The following LACTBL1 variants were observed in gnomAD, a reference collection of about 807,000 sequenced individuals.
LACTBL1 encodes lactamase beta like 1.
A neutral mutation model predicts 39.6 loss-of-function variants in LACTBL1; 29 were observed. That is an observed-to-expected ratio of 0.73 (90% CI 0.55 to 1.00). LACTBL1 has a LOEUF of 1.00. LACTBL1 is among the 50% of genes least tolerant of loss of function. LACTBL1 has a pLI of 0.00. For missense variants in LACTBL1, 711 were observed against 748.5 expected (o/e 0.95, Z 0.59); for synonymous variants, 361 against 360.7 (o/e 1.00, Z -0.01).
At chr1:22,972,714 AC>A in the LACTBL1 span, among the ~76,000 whole-genome samples, 1 of 151,522 alleles carries the variant, frequency 6.6e-6, no homozygotes, top group Non-Finnish European at 1.5e-5. Flanking sequence ...CCTCTTCCCC[AC>A]CCCCAGCCTG....
intron 2 of LACTBL1, among the ~76,000 whole-genome samples, chr1:22,961,186 G>A (rs746696827): frequency 1.3e-5 from 2 of 152,214 alleles, no homozygotes; most frequent in Non-Finnish European, 2.9e-5. Flanking sequence ...ATGGCATAAA[G>A]TGATTTTCAT....
intron 1 of LACTBL1, among the ~76,000 whole-genome samples, chr1:22,964,917 A>G (rs969052156): frequency 6.6e-6 from 1 of 152,190 alleles, no homozygotes; most frequent in Non-Finnish European, 1.5e-5. Flanking sequence ...GGTCTTAGAT[A>G]CAGCTGCAGG....
At chr1:22,968,997 C>G (rs1640912025), upstream of LACTBL1, among the ~76,000 whole-genome samples, 1 of 152,108 alleles carries the variant, frequency 6.6e-6, no homozygotes. Context: ...AGGCTGGTCT[C>G]AAACTCCTGG....
chr1:22,953,979 C>G, exon 6 of LACTBL1: 6 of 1,548,384 alleles, frequency 3.9e-6, no homozygotes, highest in Non-Finnish European at 5.2e-6. Context: ...TGTGAGCTGC[C>G]AGGACGTGGG....
At chr1:22,953,777 C>G in exon 6 of LACTBL1, 1 of 1,503,390 alleles carries the variant, frequency 6.7e-7, no homozygotes, top group Non-Finnish European at 8.9e-7. Flanking sequence ...GCCAGGTCGG[C>G]GGCGGTAGAG....
At chr1:22,958,274 G>A (rs147724956) in intron 4 of LACTBL1, among the ~76,000 whole-genome samples, 151 of 151,742 alleles carry the variant, frequency 1.0e-3, no homozygotes, top group African/African-American at 3.4e-3. Context: ...TTTTAGAGAC[G>A]GGGTCTTACT....
At position 22,960,170 on chromosome 1, in the gene LACTBL1, C is replaced by T. The variant is rs527783955; in HGVS notation, c.160-71G>A. The T allele has an allele frequency of 6.4e-5, 98 of 1,521,546 alleles. No homozygotes were observed. The African/African-American group carries it at 1.3e-3, about 20-fold the overall frequency. 94.3% of individuals were successfully genotyped at this position (1,521,546 alleles called of 1,614,324 possible). Reference sequence around the variant, plus strand: ...CCCTCAGTAATCATCTGCAAAGCCACCCTCGTCCATAGTCACACCCTGCAT... The same window carrying T: ...CCCTCAGTAATCATCTGCAAAGCCATCCTCGTCCATAGTCACACCCTGCAT... On this transcript the variant is annotated intron_variant, in intron 2 of 5. Coordinates refer to ENST00000426928, the Ensembl canonical transcript of LACTBL1.
chr1:22,972,562 C>T, the LACTBL1 span: 1 of 383,588 alleles, frequency 2.6e-6, no homozygotes, highest in Non-Finnish European at 3.6e-6. Flanking sequence ...AGCTCAGAAA[C>T]CCCTGCCAGG....
At chr1:22,960,224 G>A in intron 2 of LACTBL1, 125 bp from the exon 5 acceptor site, 2 of 1,166,726 alleles carry the variant, frequency 1.7e-6, no homozygotes, top group Non-Finnish European at 1.2e-6. Flanking sequence ...TCCCAGCTAT[G>A]CCCCATGGGC....
At chr1:22,965,623 C>G (rs1170087361), upstream of LACTBL1, among the ~76,000 whole-genome samples, 1 of 152,058 alleles carries the variant, frequency 6.6e-6, no homozygotes, top group Non-Finnish European at 1.5e-5. Context: ...CCAAGAGCAC[C>G]CACCCCTTTG....
chr1:22,962,173 T>C (rs1410876711), intron 2 of LACTBL1, among the ~76,000 whole-genome samples: 1 of 152,176 alleles, frequency 6.6e-6, no homozygotes, highest in African/African-American at 2.4e-5. Context: ...GTTATTATTG[T>C]TGCTTTTATG....
Position 22,953,997 on chromosome 1 carries a change from C to CGA in LACTBL1, c.685_686dup (p.Leu230ArgfsTer210), listed in dbSNP as rs758974071. 1.2e-5 allele frequency: 18 copies of CGA among 1,542,328 alleles called. No homozygotes were observed. In the South Asian group the frequency reaches 2.2e-4, roughly 18 times the overall value. On this transcript the variant is annotated frameshift_variant, in exon 6 of 6. Transcript: ENST00000426928. LOFTEE classifies it high-confidence loss of function. ...GAGCTGCCAGGACGTGGGCCAGGAG[C>CGA]GAGAAGGCCAGCGTGCTGTAATGGC...
intron 5 of LACTBL1, 57 bp downstream of exon 7, chr1:22,955,264 G>A (rs897345512): frequency 1.5e-6 from 2 of 1,364,522 alleles, no homozygotes; most frequent in Middle Eastern, 1.8e-4. Context: ...TGCCAGGCAG[G>A]TGTGTCTCCC....
chr1:22,953,738 C>T (rs1419402470), exon 6 of LACTBL1: 1 of 1,355,122 alleles, frequency 7.4e-7, no homozygotes, highest in Non-Finnish European at 9.5e-7. Flanking sequence ...CGCCGGGGCC[C>T]GCCGCCCAGG....
exon 4 of LACTBL1, chr1:22,958,741 C>T (rs886572999): frequency 1.9e-6 from 3 of 1,550,560 alleles, no homozygotes; most frequent in African/African-American, 1.4e-5. Flanking sequence ...TGGGGCGGGG[C>T]CCACCTGCTC....
At chr1:22,956,046 A>G (rs1428668041) in intron 4 of LACTBL1, among the ~76,000 whole-genome samples, 23 of 142,328 alleles carry the variant, frequency 1.6e-4, no homozygotes, top group Admixed American at 4.3e-4. Flanking sequence ...CCTGGGTGAC[A>G]GAGTGAAACT....
chr1:22,955,461 G>C (rs769209526), intron 4 of LACTBL1, 35 bp from the exon 7 acceptor site: 1 of 1,437,424 alleles, frequency 7.0e-7, no homozygotes, highest in Admixed American at 2.0e-5. Context: ...TACCGGGCCC[G>C]GCTGAGGGTG....
chr1:22,958,968 C>G (rs1191189968), intron 3 of LACTBL1, 48 bp from the exon 6 acceptor site: 2 of 1,267,266 alleles, frequency 1.6e-6, no homozygotes, highest in Admixed American at 2.1e-5. Flanking sequence ...CCTGTTGGCC[C>G]CACAACCCAC....
chr1:22,953,793 C>G, exon 6 of LACTBL1: 2 of 1,543,982 alleles, frequency 1.3e-6, no homozygotes, highest in Non-Finnish European at 8.7e-7. Context: ...TAGAGTACAT[C>G]TGGCCCGACG....
Sources: gnomAD v4.1 joint callset for allele counts (sites outside exome capture counted in the v4.1 genomes callset) on GRCh38, gnomAD v4.1.1 for gene constraint, MANE v1.5 for transcripts, NCBI Gene and HGNC (gene_info 2026-07-23, HGNC 2026-07-21) for gene names.